Variants in EFHB observed in about 807,000 individuals in gnomAD.
The protein encoded by EFHB is EF-hand domain family member B.
EFHB carries 91 observed loss-of-function variants against 87.2 expected under a neutral mutation model. That is an observed-to-expected ratio of 1.04 (90% CI 0.88 to 1.24). EFHB has a LOEUF of 1.24. Among genes scored for constraint, EFHB ranks in the 50% most tolerant of loss-of-function variants. The pLI, the probability that EFHB is intolerant of heterozygous loss-of-function variation, is 0.00. For synonymous variants in EFHB, 325 were observed against 333.6 expected, an observed-to-expected ratio of 0.97 and a Z score of 0.28; for missense variants, 1,084 against 998.8, an observed-to-expected ratio of 1.09 and a Z score of -1.15.
chr3:19,936,315 A>T, upstream of EFHB: 2 of 567,452 alleles, frequency 3.5e-6, no homozygotes, highest in South Asian at 2.1e-5. Flanking sequence ...GCACCATTGC[A>T]TGCCAGCCTG....
intron 1 of EFHB, chr3:19,942,139 C>T (rs71316239): frequency 0.17 from 26,164 of 152,044 alleles, 2,201 homozygotes; most frequent in South Asian, 0.2. Context: ...GGTGACAGAG[C>T]GAGAATCCAT....
At chr3:19,882,773 A>G (rs1369250408) in intron 11 of EFHB, 42 bp from the exon 12 acceptor site, 1 of 1,573,068 alleles carries the variant, frequency 6.4e-7, no homozygotes, top group Non-Finnish European at 8.7e-7. Context: ...TTCTAAAACA[A>G]AGCTGTGTAA....
At position 19,888,467 on chromosome 3, in the gene EFHB, T is replaced by A. The variant is rs752217869; in HGVS notation, c.1910A>T (p.Tyr637Phe). 3 of 1,559,688 alleles carry A rather than the reference T, an allele frequency of 1.9e-6. No homozygotes were observed. The Admixed American group carries it at 5.7e-5, about 30-fold the overall frequency. The change falls in exon 10 of 13, where the codon TAT (tyrosine) becomes TTT (phenylalanine). Residue 637 changes from tyrosine (Y) to phenylalanine (F), a missense_variant. By Grantham distance (22) the Tyr-to-Phe change is conservative (BLOSUM62 3). Transcript: ENST00000295824. ...ACCTTTAATAATGACCCTCTCTTCA[T>A]ACTCTTTAAGAAGCATTTTGTCTTT... Reference protein sequence around the residue: ...NWKDKMLLKEYEERVIIKGRK... With the variant: ...NWKDKMLLKEFEERVIIKGRK...
intron 10 of EFHB, among the ~76,000 whole-genome samples, chr3:19,884,825 T>G (rs896737377): frequency 3.3e-5 from 5 of 151,974 alleles, no homozygotes; most frequent in African/African-American, 1.2e-4. Context: ...CCTAATGTTT[T>G]CTTCTGCTAC....
chr3:19,923,703 A>G (rs188659357), intron 1 of EFHB, among the ~76,000 whole-genome samples: 10 of 152,174 alleles, frequency 6.6e-5, no homozygotes, highest in African/African-American at 2.2e-4. Flanking sequence ...GAATTATTAG[A>G]CTCCAGTTTG....
chr3:19,888,692 C>T, intron 9 of EFHB, 41 bp from the exon 10 acceptor site: 1 of 1,510,280 alleles, frequency 6.6e-7, no homozygotes, highest in Admixed American at 1.9e-5. Context: ...TGGGAGTTGT[C>T]TTCAAGAGCA....
chr3:19,879,511 G>T lies in EFHB; in HGVS notation c.*120C>A. On this transcript the variant is annotated 3_prime_UTR_variant, in exon 13 of 13. Transcript: ENST00000295824. The stretch of plus-strand genomic sequence containing the variant: ...ATCTAATTTATTAGCAACACATACA[G>T]GCATATGAGTCTTACCACTGTGAAC... 9.6e-7 allele frequency: 1 copy of T among 1,045,510 alleles called. No individual in the cohort carries two copies. Among genetic ancestry groups the T allele is most frequent in the Non-Finnish European group, 1.3e-6 (1 of 747,878 alleles). The allele number at this position is 1,045,510 out of a possible 1,614,324, so 64.8% of individuals were successfully genotyped here. A position where few individuals can be genotyped will look rare whatever the true frequency, so the allele number is the denominator to read the frequency against.
intron 7 of EFHB, 150 bp from the exon 8 acceptor site, chr3:19,898,995 G>T: frequency 1.4e-6 from 1 of 713,082 alleles, no homozygotes; most frequent in Non-Finnish European, 2.3e-6. Flanking sequence ...TAGATCTTTT[G>T]TCTGATCTTC....
intron 1 of EFHB, among the ~76,000 whole-genome samples, chr3:19,926,584 C>T (rs1343876227): frequency 1.3e-5 from 2 of 151,910 alleles, no homozygotes; most frequent in African/African-American, 2.4e-5. Flanking sequence ...GGGATGGTCT[C>T]GATCTCCTGA....
intron 5 of EFHB, among the ~76,000 whole-genome samples, chr3:19,908,754 A>T (rs977043553): frequency 6.6e-6 from 1 of 152,124 alleles, no homozygotes; most frequent in Admixed American, 6.5e-5. Flanking sequence ...CACTTTAGTA[A>T]TGATTAAAAT....
rs1695914379 is a variant in EFHB, at chr3:19,933,656, G to A, written c.363C>T (p.Thr121=). ...LENESLLAGY[T]HERIIQPPLG... ...AAGGAGGCTGTATTATCCGTTCATG[G>A]GTATATCCTGCAAGAAGACTCTCAT... is the stretch of plus-strand genomic sequence containing the variant. The change falls in exon 1 of 13, where the codon ACC becomes ACT. Residue 121 remains threonine, a synonymous_variant. Coordinates refer to ENST00000295824, the MANE Select transcript of EFHB (RefSeq NM_144715.4). 6.2e-7 allele frequency: 1 copy of A among 1,613,834 alleles called. No homozygotes were observed. The highest frequency in any genetic ancestry group is 1.3e-5 in the African/African-American group (1 of 74,892).
At chr3:19,905,892 T>G (rs926322044) in intron 5 of EFHB, 143 bp from the exon 6 acceptor site, 76 of 1,008,094 alleles carry the variant, frequency 7.5e-5, no homozygotes, top group Non-Finnish European at 9.7e-6. Flanking sequence ...TGCACAGATT[T>G]AGCTACAGAT....
intron 3 of EFHB, among the ~76,000 whole-genome samples, chr3:19,918,802 C>T (rs1695328239): frequency 7.1e-6 from 1 of 141,312 alleles, no homozygotes; most frequent in Non-Finnish European, 1.5e-5. Flanking sequence ...TGGTGAAACC[C>T]CATAACTACT....
chr3:19,911,288 G>A (rs556968976), intron 5 of EFHB, among the ~76,000 whole-genome samples: 72 of 152,260 alleles, frequency 4.7e-4, no homozygotes, highest in Non-Finnish European at 8.8e-4. Flanking sequence ...AAGGCCAGGC[G>A]TGGTAGCTCA....
At chr3:19,927,421 T>C (rs924024566) in intron 1 of EFHB, among the ~76,000 whole-genome samples, 1 of 152,172 alleles carries the variant, frequency 6.6e-6, no homozygotes, top group Non-Finnish European at 1.5e-5. Context: ...TTGGAAACTT[T>C]TCCTTCCTGC....
intron 4 of EFHB, among the ~76,000 whole-genome samples, chr3:19,916,304 C>T (rs970943699): frequency 6.6e-5 from 10 of 151,880 alleles, no homozygotes; most frequent in Non-Finnish European, 1.0e-4. Flanking sequence ...CATCTGGGGT[C>T]GGGAGTTCAA....
chr3:19,882,792 C>T, intron 11 of EFHB, 61 bp from the exon 12 acceptor site: 1 of 1,468,812 alleles, frequency 6.8e-7, no homozygotes, highest in South Asian at 1.5e-5. Context: ...AACACAGTAG[C>T]CACCAGTCAC....
intron 1 of EFHB, among the ~76,000 whole-genome samples, chr3:19,929,353 T>C (rs1695745555): frequency 6.6e-6 from 1 of 151,918 alleles, no homozygotes; most frequent in South Asian, 2.1e-4. Context: ...AACTATTTTA[T>C]AGAAAATTCT....
At chr3:19,894,842 G>T (rs1694420344) in intron 9 of EFHB, 1 of 151,464 alleles carries the variant, frequency 6.6e-6, no homozygotes, top group Admixed American at 6.6e-5. Flanking sequence ...CGAAAATTAG[G>T]GTGTGGTGGC....
Sources: allele counts gnomAD v4.1 joint callset (sites outside exome capture counted in the v4.1 genomes callset), GRCh38; gene constraint gnomAD v4.1.1; transcripts MANE v1.5; gene names NCBI Gene and HGNC (gene_info 2026-07-23, HGNC 2026-07-21).